Variants in VPS13B observed in about 807,000 individuals in gnomAD.
VPS13B encodes vacuolar protein sorting 13 homolog B.
A neutral mutation model predicts 426.4 loss-of-function variants in VPS13B; 285 were observed. That is an observed-to-expected ratio of 0.67 (90% CI 0.61 to 0.74). The LOEUF (loss-of-function observed/expected upper bound fraction) is 0.74. Ranked by LOEUF, VPS13B falls within the 30% of genes least tolerant of loss-of-function variation. The probability of loss-of-function intolerance (pLI) is 0.00; values close to 1 mark genes in which losing one functional copy is unlikely to be tolerated. For synonymous variants in VPS13B, 1,676 were observed against 1,676.4 expected (o/e 1.00, Z 0.01); for missense variants, 4,537 against 4,782.6 (o/e 0.95, Z 1.51).
chr8:99,195,446 T>A (rs186402398), intron 17 of VPS13B, among the ~76,000 whole-genome samples: 45 of 152,338 alleles, frequency 3.0e-4, no homozygotes, highest in Admixed American at 1.2e-3. Flanking sequence ...TTCTTATTAT[T>A]GAGTTGAGTT....
In VPS13B at chr8:99,275,251, T is replaced by C; in HGVS notation, c.2821T>C (p.Ser941Pro). 1 of 1,611,068 alleles carries C rather than the reference T, an allele frequency of 6.2e-7. No homozygotes were observed. Among genetic ancestry groups the C allele is most frequent in the Non-Finnish European group, 8.5e-7 (1 of 1,178,654 alleles). The change falls in exon 19 of 62, where the codon TCC (serine) becomes CCC (proline). Residue 941 changes from serine to proline, a missense_variant. This residue lies in a region of VPS13B where 4,311 missense variants were observed against 4,474.3 expected (regional missense o/e 0.96). Transcript: ENST00000357162. ...ACAATATATTGACTACTGCCACAAT[T>C]CCGGTAAGTACAAACCTATCATTAT... is the stretch of plus-strand genomic sequence containing the variant. The part of the protein sequence containing the change: ...VPQYIDYCHN[S>P]GAVLLCSIQG...
chr8:99,462,468 CTG>C (rs1182696747), intron 23 of VPS13B, among the ~76,000 whole-genome samples: 1 of 151,982 alleles, frequency 6.6e-6, no homozygotes, highest in Non-Finnish European at 1.5e-5. Context: ...TCTTCATGGG[CTG>C]TTTTTCCCTT....
intron 19 of VPS13B, among the ~76,000 whole-genome samples, chr8:99,324,891 A>T (rs1444355341): frequency 6.6e-6 from 1 of 152,044 alleles, no homozygotes; most frequent in Non-Finnish European, 1.5e-5. Flanking sequence ...TTGTATTTTG[A>T]TATTTTATTT....
At chr8:99,441,085 A>G (rs1332470470) in intron 22 of VPS13B, among the ~76,000 whole-genome samples, 2 of 152,114 alleles carry the variant, frequency 1.3e-5, no homozygotes, top group Non-Finnish European at 2.9e-5. Flanking sequence ...CTTAACACAC[A>G]TGTACTTTAT....
intron 42 of VPS13B, among the ~76,000 whole-genome samples, chr8:99,779,246 A>G (rs1387478672): frequency 6.6e-6 from 1 of 152,226 alleles, no homozygotes. Context: ...CTACACATGC[A>G]TTGGAGATCA....
chr8:99,316,701 C>T (rs1313104716), intron 19 of VPS13B, among the ~76,000 whole-genome samples: 1 of 152,084 alleles, frequency 6.6e-6, no homozygotes, highest in African/African-American at 2.4e-5. Flanking sequence ...TTTTCTCACT[C>T]TTGTTGAATT....
At chr8:99,773,598 C>G (rs553066913) in intron 40 of VPS13B, among the ~76,000 whole-genome samples, 1 of 152,194 alleles carries the variant, frequency 6.6e-6, no homozygotes, top group Non-Finnish European at 1.5e-5. Flanking sequence ...CCATCCTTCT[C>G]ACTGTCTAGG....
intron 21 of VPS13B, among the ~76,000 whole-genome samples, chr8:99,430,628 A>G (rs1175967761): frequency 6.6e-6 from 1 of 152,056 alleles, no homozygotes; most frequent in African/African-American, 2.4e-5. Flanking sequence ...AGGGAGTGGA[A>G]TATTACATTT....
intron 19 of VPS13B, among the ~76,000 whole-genome samples, chr8:99,368,883 T>C (rs776069750): frequency 5.3e-5 from 8 of 152,238 alleles, no homozygotes; most frequent in Non-Finnish European, 1.2e-4. Flanking sequence ...ATTCTCTATG[T>C]ATTTTTGCTC....
At chr8:99,652,202 A>C (rs1206354337) in intron 34 of VPS13B, among the ~76,000 whole-genome samples, 2 of 151,818 alleles carry the variant, frequency 1.3e-5, no homozygotes, top group African/African-American at 4.8e-5. Flanking sequence ...TCAGGATTAG[A>C]CCTCTCGGTA....
At chr8:99,247,341 A>G (rs1817277923) in intron 17 of VPS13B, among the ~76,000 whole-genome samples, 1 of 152,236 alleles carries the variant, frequency 6.6e-6, no homozygotes, top group Non-Finnish European at 1.5e-5. Context: ...GATCTAAGCT[A>G]CAAAACAGCA....
At position 99,642,105 on chromosome 8, in the gene VPS13B, CAGA is replaced by C; in HGVS notation, c.5520_5522del (p.Lys1840del). ...CTTATCCAAATCGAAATCACAAGAA[CAGA>C]AGAATAATGAAAAAACAGACAAGAG... On this transcript the variant is annotated inframe_deletion, in exon 34 of 62. Coordinates refer to ENST00000357162, the MANE Select transcript of VPS13B (RefSeq NM_152564.5). 6.2e-7 allele frequency: 1 copy of C among 1,614,078 alleles called. No homozygotes were observed. The highest frequency in any genetic ancestry group is 8.5e-7 in the Non-Finnish European group (1 of 1,180,012).
At chr8:99,536,076 T>C (rs972971870) in intron 30 of VPS13B, among the ~76,000 whole-genome samples, 5 of 151,722 alleles carry the variant, frequency 3.3e-5, no homozygotes, top group African/African-American at 4.8e-5. Flanking sequence ...CAGACTCCCA[T>C]GTAGCTGGGA....
chr8:99,285,210 C>T (rs570692788), intron 19 of VPS13B, among the ~76,000 whole-genome samples: 1 of 152,230 alleles, frequency 6.6e-6, no homozygotes, highest in Non-Finnish European at 1.5e-5. Context: ...TTGAAATGTA[C>T]CCTGGACGCT....
At chr8:99,212,555 G>A (rs760167391) in intron 17 of VPS13B, among the ~76,000 whole-genome samples, 1 of 152,184 alleles carries the variant, frequency 6.6e-6, no homozygotes, top group Non-Finnish European at 1.5e-5. Context: ...GCAGAGCTGA[G>A]AAATCTCAGA....
chr8:99,206,415 A>G (rs1814725703), intron 17 of VPS13B, among the ~76,000 whole-genome samples: 1 of 152,220 alleles, frequency 6.6e-6, no homozygotes, highest in South Asian at 2.1e-4. Flanking sequence ...ATTTTACCTC[A>G]TAAAAATGAA....
intron 39 of VPS13B, among the ~76,000 whole-genome samples, chr8:99,742,033 G>T (rs1340488653): frequency 6.6e-6 from 1 of 152,154 alleles, no homozygotes; most frequent in Non-Finnish European, 1.5e-5. Flanking sequence ...AATGAATCCA[G>T]GAGCTGGTCT....
intron 54 of VPS13B, among the ~76,000 whole-genome samples, chr8:99,839,874 T>C (rs190633150): frequency 6.6e-6 from 1 of 152,362 alleles, no homozygotes; most frequent in East Asian, 1.9e-4. Context: ...ACTATTACTC[T>C]GTAGCATCCA....
chr8:99,726,601 G>A (rs1833359770), intron 39 of VPS13B, among the ~76,000 whole-genome samples: 2 of 152,116 alleles, frequency 1.3e-5, no homozygotes, highest in Admixed American at 1.3e-4. Context: ...AAAGTTTATG[G>A]CAACATATAA....
Sources: allele counts gnomAD v4.1 joint callset (sites outside exome capture counted in the v4.1 genomes callset), GRCh38; gene constraint gnomAD v4.1.1; regional missense constraint gnomAD v4.1.1; transcripts MANE v1.5; gene names NCBI Gene and HGNC (gene_info 2026-07-23, HGNC 2026-07-21).